CASP9: variants seen among roughly 807,000 people sequenced by gnomAD.
CASP9 encodes caspase-9.
Under a neutral mutation model 43.5 loss-of-function variants are expected in CASP9, and 29 were observed. That is an observed-to-expected ratio of 0.67 (90% confidence interval 0.50 to 0.91). The LOEUF is 0.91. CASP9 is among the 40% of genes least tolerant of loss of function. The pLI, the probability that CASP9 is intolerant of heterozygous loss-of-function variation, is 0.00. For missense variants in CASP9, 575 were observed against 537.4 expected (o/e 1.07, Z -0.69); for synonymous variants, 206 against 211.9 (o/e 0.97, Z 0.24).
intron 2 of CASP9, among the ~76,000 whole-genome samples, chr1:15,514,554 T>C (rs1709881445): frequency 6.6e-6 from 1 of 152,222 alleles, no homozygotes; most frequent in South Asian, 2.1e-4. Flanking sequence ...AGCTCTGTAC[T>C]GGAACTCACT....
intron 2 of CASP9, among the ~76,000 whole-genome samples, chr1:15,508,304 T>TA (rs1445172020): frequency 6.6e-6 from 1 of 152,230 alleles, no homozygotes; most frequent in African/African-American, 2.4e-5. Context: ...CTACTGATGA[T>TA]ACAGGAGACA....
upstream of CASP9, chr1:15,524,765 C>A: frequency 8.9e-6 from 9 of 1,007,474 alleles, no homozygotes; most frequent in Non-Finnish European, 1.1e-5. Context: ...GCCACCGCGT[C>A]ACCGCCCACT....
intron 3 of CASP9, 144 bp downstream of exon 3, chr1:15,507,729 C>T (rs1432553188): frequency 4.1e-6 from 3 of 726,412 alleles, no homozygotes; most frequent in Non-Finnish European, 7.2e-6. Context: ...GGGCCGGAGT[C>T]AGGGAGGCTG....
At chr1:15,520,785 T>C (rs1388210804) in intron 1 of CASP9, among the ~76,000 whole-genome samples, 3 of 151,262 alleles carry the variant, frequency 2.0e-5, no homozygotes, top group African/African-American at 7.3e-5. Flanking sequence ...AACCCGTCTC[T>C]ACTAAAAATA....
At position 15,493,944 on chromosome 1, in the gene CASP9, T is replaced by A. The variant is rs1708994711; in HGVS notation, c.1106A>T (p.Asp369Val). 1 of 1,604,828 alleles carries A rather than the reference T, an allele frequency of 6.2e-7. No individual in the cohort carries two copies. Among genetic ancestry groups the A allele is most frequent in the African/African-American group, 1.3e-5 (1 of 74,710 alleles). ...AGAGTGAGCCCACTGCTCAAAGATG[T>A]CGTCCAGGGTCTCAACGTACCAGGA... Reference protein sequence around the residue: ...SGSWYVETLDDIFEQWAHSED... With the variant: ...SGSWYVETLDVIFEQWAHSED... The change falls in exon 8 of 9, where the codon GAC (aspartate) becomes GTC (valine). Residue 369 changes from aspartate to valine, a missense_variant. Asp to Val is a radical substitution (Grantham distance 152, BLOSUM62 -3). Coordinates refer to ENST00000333868, the MANE Select transcript of CASP9 (RefSeq NM_001229.5).
intron 1 of CASP9, among the ~76,000 whole-genome samples, chr1:15,520,226 G>A (rs1710127215): frequency 6.6e-6 from 1 of 152,164 alleles, no homozygotes; most frequent in South Asian, 2.1e-4. Flanking sequence ...GTCCTATTTA[G>A]TAACCATATA....
intron 6 of CASP9, among the ~76,000 whole-genome samples, chr1:15,502,575 G>A (rs562889064): frequency 6.6e-6 from 1 of 152,326 alleles, no homozygotes; most frequent in South Asian, 2.1e-4. Flanking sequence ...CTCGGAGCAT[G>A]CCAGGCTGGG....
chr1:15,518,256 G>T lies in CASP9; in HGVS notation c.272C>A (p.Thr91Asn). The T allele has an allele frequency of 6.2e-7, 1 of 1,614,236 alleles. No homozygotes were observed. Among genetic ancestry groups the T allele is most frequent in the Non-Finnish European group, 8.5e-7 (1 of 1,180,052 alleles). The change falls in exon 2 of 9, where the codon ACT becomes AAT. Residue 91 changes from threonine (T) to asparagine (N), a missense_variant. Thr to Asn is a moderately conservative substitution (Grantham distance 65). Transcript: ENST00000333868. ...GQDMLASFLRTNRQAAKLSKP... is the reference protein window; with the variant it reads ...GQDMLASFLRNNRQAAKLSKP... Reference sequence around the variant, plus strand: ...CGACAACTTTGCTGCTTGCCTGTTAGTTCGCAGAAACGAAGCCAGCATGTC... The same window carrying T: ...CGACAACTTTGCTGCTTGCCTGTTATTTCGCAGAAACGAAGCCAGCATGTC...
chr1:15,507,689 A>G (rs1412903579), intron 3 of CASP9, 184 bp downstream of exon 3: 1 of 621,288 alleles, frequency 1.6e-6, no homozygotes, highest in East Asian at 2.7e-5. Context: ...GAGGAAGCGC[A>G]GAGATGAACA....
chr1:15,511,102 G>A lies in CASP9; in HGVS notation c.419-3195C>T, dbSNP rs758703800. Among the ~76,000 whole-genome samples the A allele has an allele frequency of 4.6e-5, 7 of 152,210 alleles. No homozygotes were observed. In the East Asian group the frequency reaches 5.8e-4, roughly 13 times the overall value. On this transcript the variant is annotated intron_variant, in intron 2 of 8. Coordinates refer to ENST00000333868, the MANE Select transcript of CASP9 (RefSeq NM_001229.5). Reference sequence around the variant, plus strand: ...CTGGCCAAAGCAATCCTCGAGGTGCGGAGGCGAGAAAAAAAAACAGGTGTC... The same window carrying A: ...CTGGCCAAAGCAATCCTCGAGGTGCAGAGGCGAGAAAAAAAAACAGGTGTC...
chr1:15,506,945 G>A lies in CASP9; in HGVS notation c.584C>T (p.Ser195Phe), dbSNP rs1382459810. The A allele has an allele frequency of 8.1e-6, 13 of 1,614,184 alleles. No individual in the cohort carries two copies. Among genetic ancestry groups the A allele is most frequent in the Non-Finnish European group, 1.0e-5 (12 of 1,180,030 alleles). ...CACCTCCACCATGAAATGCAGCGAG[G>A]AGAAGCGACGCCGCAACTTCTCACA... ...IDCEKLRRRFSSLHFMVEVKG... is the reference protein window; with the variant it reads ...IDCEKLRRRFFSLHFMVEVKG... Residue 195 changes from serine to phenylalanine, a missense_variant, in exon 4 of 9, where the codon TCC becomes TTC. Physicochemically the swap from Ser to Phe is radical, Grantham distance 155. Coordinates refer to ENST00000333868, the MANE Select transcript of CASP9 (RefSeq NM_001229.5).
intron 6 of CASP9, among the ~76,000 whole-genome samples, chr1:15,500,568 C>A (rs1342663236): frequency 6.6e-6 from 1 of 152,218 alleles, no homozygotes; most frequent in Non-Finnish European, 1.5e-5. Flanking sequence ...TCTCAACTAT[C>A]CCACTGCTTC....
rs147199786 is a variant in CASP9, at chr1:15,512,535, G to A, written c.419-4628C>T. ...CTACCATTGGTGCTCCTGGATCTCA[G>A]GCCTTCAGACTCAGACTGGAACTAC... is the stretch of plus-strand genomic sequence containing the variant. On this transcript the variant is annotated intron_variant, in intron 2 of 8. Coordinates refer to ENST00000333868, the MANE Select transcript of CASP9 (RefSeq NM_001229.5). Among the ~76,000 whole-genome samples the A allele has an allele frequency of 2.0e-3, 307 of 152,230 alleles. 1 individual carries two copies. The highest frequency in any genetic ancestry group is 7.0e-3 in the African/African-American group (292 of 41,524).
chr1:15,518,071 G>GT, intron 2 of CASP9, 39 bp downstream of exon 2: 1 of 1,604,456 alleles, frequency 6.2e-7, no homozygotes, highest in South Asian at 1.1e-5. Flanking sequence ...AAATGACTAC[G>GT]TGTCATGCCC....
Position 15,503,878 on chromosome 1 carries a change from G to A in CASP9, c.868+733C>T, listed in dbSNP as rs183374978. 6.6e-5 allele frequency among the ~76,000 whole-genome samples: 10 copies of A among 152,300 alleles called. No homozygotes were observed. In the East Asian group the frequency reaches 1.9e-3, roughly 29 times the overall value. On this transcript the variant is annotated intron_variant, in intron 6 of 8. Transcript: ENST00000333868. ...TAGCGCTCCCTGATATTCCTGTCAT[G>A]ACCCACAAACTAGGAACCCCATGTT...
At chr1:15,513,723 A>G (rs778651111) in intron 2 of CASP9, among the ~76,000 whole-genome samples, 5 of 152,182 alleles carry the variant, frequency 3.3e-5, no homozygotes, top group Non-Finnish European at 7.3e-5. Context: ...GTGTGAGCTA[A>G]TGAGTAATGG....
rs189174021 is a variant in CASP9 at position 15,517,412 on chromosome 1, T to C, written c.418+698A>G. On this transcript the variant is annotated intron_variant, in intron 2 of 8. Transcript: ENST00000333868. ...GATAGAGATGAGAACGGTGATTACC[T>C]TGGGAAAGGGAAAGTGGGAAGAAAT... 3.3e-5 allele frequency among the ~76,000 whole-genome samples: 5 copies of C among 152,036 alleles called. No individual in the cohort carries two copies. In the East Asian group the frequency reaches 5.8e-4, roughly 18 times the overall value.
rs773523203 is a variant in CASP9 at position 15,518,323 on chromosome 1, C to G, written c.205G>C (p.Ala69Pro). The G allele has an allele frequency of 1.2e-6, 2 of 1,614,170 alleles. No homozygotes were observed. The highest frequency in any genetic ancestry group is 1.7e-6 in the Non-Finnish European group (2 of 1,180,046). The change falls in exon 2 of 9, where the codon GCT (alanine) becomes CCT (proline). Residue 69 changes from alanine to proline, a missense_variant. Coordinates refer to ENST00000333868, the MANE Select transcript of CASP9 (RefSeq NM_001229.5). ...AAGCAGGAGATGAACAAAGGAAGAG[C>G]CTGACTCCCTCGAGTCTCCAGATCT... ...IIDLETRGSQALPLFISCLED... is the reference protein window; with the variant it reads ...IIDLETRGSQPLPLFISCLED...
In CASP9 at chr1:15,492,548, T is replaced by G; in HGVS notation, c.*395A>C. 5.7e-6 allele frequency: 1 copy of G among 176,880 alleles called. No individual in the cohort carries two copies. The highest frequency in any genetic ancestry group is 2.4e-5 in the African/African-American group (1 of 42,546). 11.0% of individuals were successfully genotyped at this position (176,880 alleles called of 1,614,324 possible). A position where few individuals can be genotyped will look rare whatever the true frequency, so the allele number is the denominator to read the frequency against. ...CACTCAGGAAGACGCGTTACTGGCA[T>G]TGAGGCAAGGGACAGTGCTGAACAT... On this transcript the variant is annotated 3_prime_UTR_variant, in exon 9 of 9. Transcript: ENST00000333868.
Sources: allele counts gnomAD v4.1 joint callset (sites outside exome capture counted in the v4.1 genomes callset), GRCh38; gene constraint gnomAD v4.1.1; transcripts MANE v1.5; gene names NCBI Gene and HGNC (gene_info 2026-07-23, HGNC 2026-07-21).